Variants in FGF12 observed in about 807,000 individuals in gnomAD.
The protein encoded by FGF12 is fibroblast growth factor 12.
FGF12 carries 14 observed loss-of-function variants against 23.6 expected under a neutral mutation model. That is an observed-to-expected ratio of 0.59 (90% CI 0.39 to 0.93). The LOEUF (loss-of-function observed/expected upper bound fraction) is 0.93. Among genes scored for constraint, FGF12 ranks in the 40% least tolerant of loss-of-function variants. The pLI is 0.00. For missense variants in FGF12, 175 were observed against 217.8 expected, an observed-to-expected ratio of 0.80 and a Z score of 1.24; for synonymous variants, 62 against 77.3, an observed-to-expected ratio of 0.80 and a Z score of 1.04.
At chr3:192,659,538 AG>A (rs1310955359) in intron 2 of FGF12, among the ~76,000 whole-genome samples, 1 of 152,182 alleles carries the variant, frequency 6.6e-6, no homozygotes, top group African/African-American at 2.4e-5. Context: ...AAATACAATA[AG>A]GAAATGGTTA....
intron 2 of FGF12, among the ~76,000 whole-genome samples, chr3:192,435,650 TTCTC>T (rs1198063132): frequency 6.6e-6 from 1 of 152,182 alleles, no homozygotes; most frequent in African/African-American, 2.4e-5. Flanking sequence ...CCTTAGGTCT[TTCTC>T]TCTCAGAAAT....
At chr3:192,495,227 TAACAAAGCTATACTG>T (rs1723916313) in intron 2 of FGF12, among the ~76,000 whole-genome samples, 1 of 152,172 alleles carries the variant, frequency 6.6e-6, no homozygotes, top group South Asian at 2.1e-4. Flanking sequence ...AGAAACCTAA[TAACAAAGCTATACTG>T]AACAAAGCTA....
intron 2 of FGF12, among the ~76,000 whole-genome samples, chr3:192,665,025 C>T (rs537866921): frequency 6.6e-6 from 1 of 152,244 alleles, no homozygotes; most frequent in African/African-American, 2.4e-5. Context: ...ATTTTTAGTG[C>T]ATTAATCCTG....
intron 2 of FGF12, among the ~76,000 whole-genome samples, chr3:192,679,662 T>C (rs1322802039): frequency 1.3e-5 from 2 of 151,798 alleles, no homozygotes; most frequent in Non-Finnish European, 2.9e-5. Context: ...GATAGACATC[T>C]AGATTCATCT....
intron 4 of FGF12, among the ~76,000 whole-genome samples, chr3:192,293,614 G>A (rs1003335453): frequency 6.6e-6 from 1 of 152,148 alleles, no homozygotes; most frequent in Non-Finnish European, 1.5e-5. Flanking sequence ...GGCTTCTCAG[G>A]AATGTAGCAC....
intron 2 of FGF12, among the ~76,000 whole-genome samples, chr3:192,687,122 C>T (rs1717775514): frequency 1.3e-5 from 2 of 150,494 alleles, no homozygotes; most frequent in African/African-American, 2.4e-5. Flanking sequence ...AGTCACCGTG[C>T]CCAGCCCTCT....
In FGF12 at chr3:192,514,767, C is replaced by T. The variant is rs1577030404; in HGVS notation, c.14-154229G>A. ...GCTCAAGAATCTTCATGGAGAAGCG[C>T]GTGTGTGGGGTTGGTCAACTCCCCG... is the stretch of plus-strand genomic sequence containing the variant. On this transcript the variant is annotated intron_variant, in intron 2 of 5. Transcript: ENST00000445105. The surrounding 1 kb of genome is among the most constrained non-coding windows in gnomAD (Gnocchi z 4.9). 1 of 985,258 alleles carries T rather than the reference C, an allele frequency of 1.0e-6. No homozygotes were observed. The highest frequency in any genetic ancestry group is 1.1e-4 in the East Asian group (1 of 8,812). 61.0% of individuals were successfully genotyped at this position (985,258 alleles called of 1,614,324 possible).
intron 3 of FGF12, among the ~76,000 whole-genome samples, chr3:192,346,953 T>A (rs1480835626): frequency 6.6e-6 from 1 of 152,232 alleles, no homozygotes; most frequent in Non-Finnish European, 1.5e-5. Flanking sequence ...GTTATAATAA[T>A]ACAAATTTGG....
chr3:192,528,687 C>T lies in FGF12; in HGVS notation c.14-168149G>A, dbSNP rs183080755. Among the ~76,000 whole-genome samples the T allele has an allele frequency of 2.1e-3, 314 of 152,288 alleles. 1 individual carries two copies. Among genetic ancestry groups the T allele is most frequent in the African/African-American group, 7.1e-3 (297 of 41,568 alleles). Reference sequence around the variant, plus strand: ...GCAAAAGTCTGCCTGAACATCTAGGCGTTTCCTTACATCCTCTGAAATCTA... The same window carrying T: ...GCAAAAGTCTGCCTGAACATCTAGGTGTTTCCTTACATCCTCTGAAATCTA... On this transcript the variant is annotated intron_variant, in intron 2 of 5. Transcript: ENST00000445105.
intron 2 of FGF12, among the ~76,000 whole-genome samples, chr3:192,601,954 T>C (rs533789701): frequency 6.6e-6 from 1 of 152,280 alleles, no homozygotes; most frequent in South Asian, 2.1e-4. Flanking sequence ...GTTGGTTGAA[T>C]CCACAGATGT....
chr3:192,635,142 G>A (rs1210555260), intron 2 of FGF12, among the ~76,000 whole-genome samples: 1 of 152,182 alleles, frequency 6.6e-6, no homozygotes, highest in Non-Finnish European at 1.5e-5. Context: ...TTACAGGCAT[G>A]AGCCACCACG....
chr3:192,470,970 C>T (rs1462841263), intron 2 of FGF12, among the ~76,000 whole-genome samples: 1 of 152,100 alleles, frequency 6.6e-6, no homozygotes, highest in Admixed American at 6.6e-5. Context: ...TGCCTGACCA[C>T]CTATTGAAAT....
At position 192,388,442 on chromosome 3, in the gene FGF12, T is replaced by C. The variant is rs116677137; in HGVS notation, c.14-27904A>G. On this transcript the variant is annotated intron_variant, in intron 2 of 5. Coordinates refer to ENST00000445105, the MANE Select transcript of FGF12 (RefSeq NM_004113.6). ...TTCTGAAGTTATAGAGGTTGACATA[T>C]GTTAGGTGCTTTTTATTTATTTTTT... Among the ~76,000 whole-genome samples the C allele has an allele frequency of 3.9e-3, 598 of 152,298 alleles. 2 individuals are homozygous for C. The highest frequency in any genetic ancestry group is 0.014 in the African/African-American group (589 of 41,578).
chr3:192,718,613 C>T (rs1718938498), intron 2 of FGF12, among the ~76,000 whole-genome samples: 1 of 152,166 alleles, frequency 6.6e-6, no homozygotes, highest in Admixed American at 6.5e-5. Flanking sequence ...ATCCCCAAGA[C>T]AGCGTCTTTT....
chr3:192,451,234 T>C (rs1375647608), intron 2 of FGF12, among the ~76,000 whole-genome samples: 9 of 152,230 alleles, frequency 5.9e-5, no homozygotes. Context: ...TTTCTCAGGT[T>C]AACTCAGTAG....
rs530131797 is a variant in FGF12 at position 192,591,547 on chromosome 3, G to C, written c.13+135634C>G. On this transcript the variant is annotated intron_variant, in intron 2 of 5. Coordinates refer to ENST00000445105, the MANE Select transcript of FGF12 (RefSeq NM_004113.6). The stretch of plus-strand genomic sequence containing the variant: ...ATAATCTGGTTCCAATGGAGTTCAG[G>C]CCAAGGCCCATCAAGCCCTTTACCT... Among the ~76,000 whole-genome samples the C allele has an allele frequency of 3.3e-5, 5 of 151,946 alleles. No individual in the cohort carries two copies. The South Asian group carries it at 1.1e-3, about 32-fold the overall frequency.
chr3:192,451,567 T>C (rs777178096), intron 2 of FGF12, among the ~76,000 whole-genome samples: 2 of 152,212 alleles, frequency 1.3e-5, no homozygotes, highest in African/African-American at 4.8e-5. Flanking sequence ...AGGTATTTAA[T>C]GGACTAAAGA....
intron 2 of FGF12, among the ~76,000 whole-genome samples, chr3:192,523,316 A>C (rs1724867479): frequency 6.6e-6 from 1 of 152,220 alleles, no homozygotes; most frequent in East Asian, 1.9e-4. Context: ...TCTAGGATGA[A>C]GGGATGCATG....
chr3:192,312,477 T>C lies in FGF12; in HGVS notation c.228+22884A>G, dbSNP rs191318943. 2.5e-3 allele frequency among the ~76,000 whole-genome samples: 383 copies of C among 151,950 alleles called. 3 individuals carry two copies. Among genetic ancestry groups the C allele is most frequent in the African/African-American group, 8.6e-3 (356 of 41,442 alleles). Reference sequence around the variant, plus strand: ...AGACAATGGCAACAAGATCTTTTCATTGAAATAACTAAGAAAGTTTGTGGA... The same window carrying C: ...AGACAATGGCAACAAGATCTTTTCACTGAAATAACTAAGAAAGTTTGTGGA... On this transcript the variant is annotated intron_variant, in intron 4 of 5. Coordinates refer to ENST00000445105, the MANE Select transcript of FGF12 (RefSeq NM_004113.6).
Sources: allele counts gnomAD v4.1 joint callset (sites outside exome capture counted in the v4.1 genomes callset), GRCh38; gene constraint gnomAD v4.1.1; non-coding constraint Gnocchi (gnomAD v3.1); transcripts MANE v1.5; gene names NCBI Gene and HGNC (gene_info 2026-07-23, HGNC 2026-07-21).